PLPP1: variants seen among roughly 807,000 people sequenced by gnomAD.
PLPP1 encodes the protein phospholipid phosphatase 1, also known as lipid phosphate phosphohydrolase 1a.
A neutral mutation model predicts 31.2 loss-of-function variants in PLPP1; 24 were observed. The ratio of observed to expected loss-of-function variants is 0.77; its 90% CI spans 0.56 to 1.08. The LOEUF (loss-of-function observed/expected upper bound fraction) is 1.08. PLPP1 is among the 50% of genes least tolerant of loss of function. The probability of loss-of-function intolerance (pLI) is 0.00; values close to 1 mark genes in which losing one functional copy is unlikely to be tolerated. For missense variants in PLPP1, 319 were observed against 342.7 expected (o/e 0.93, Z 0.55); for synonymous variants, 146 against 126.3 (o/e 1.16, Z -1.05).
intron 1 of PLPP1, among the ~76,000 whole-genome samples, chr5:55,507,660 T>C (rs149953685): frequency 7.2e-4 from 110 of 152,292 alleles, no homozygotes; most frequent in African/African-American, 2.6e-3. Context: ...TGAGGAAACC[T>C]GCCCAAAGCC....
At chr5:55,518,952 T>C (rs1446233866) in intron 1 of PLPP1, among the ~76,000 whole-genome samples, 1 of 152,118 alleles carries the variant, frequency 6.6e-6, no homozygotes, top group Non-Finnish European at 1.5e-5. Context: ...CCAAACCAAC[T>C]GTTTTTACTA....
At chr5:55,526,446 T>C (rs1430151877) in intron 1 of PLPP1, among the ~76,000 whole-genome samples, 1 of 152,110 alleles carries the variant, frequency 6.6e-6, no homozygotes, top group East Asian at 1.9e-4. Flanking sequence ...AAACTACCCA[T>C]TTAAAGAAAG....
At chr5:55,516,170 T>C (rs1280390846) in intron 1 of PLPP1, among the ~76,000 whole-genome samples, 1 of 152,164 alleles carries the variant, frequency 6.6e-6, no homozygotes, top group Non-Finnish European at 1.5e-5. Flanking sequence ...CAGGTATCCT[T>C]TACTTCCCAA....
intron 1 of PLPP1, among the ~76,000 whole-genome samples, chr5:55,528,856 ACT>A (rs1740560791): frequency 6.6e-6 from 1 of 152,026 alleles, no homozygotes; most frequent in East Asian, 1.9e-4. Flanking sequence ...CAGTGAATCC[ACT>A]CTTAGTCCTT....
intron 1 of PLPP1, among the ~76,000 whole-genome samples, chr5:55,491,577 A>C (rs1752887818): frequency 6.6e-6 from 1 of 152,100 alleles, no homozygotes; most frequent in Admixed American, 6.6e-5. Flanking sequence ...AGAAACATGT[A>C]AAAATTTAGG....
chr5:55,432,593 A>AT (rs1751384730), intron 4 of PLPP1, among the ~76,000 whole-genome samples: 1 of 152,278 alleles, frequency 6.6e-6, no homozygotes, highest in African/African-American at 2.4e-5. Context: ...CCATAAGCCA[A>AT]TATCTCTGAT....
chr5:55,452,954 G>C (rs1751924423), intron 3 of PLPP1, among the ~76,000 whole-genome samples: 1 of 152,176 alleles, frequency 6.6e-6, no homozygotes, highest in African/African-American at 2.4e-5. Flanking sequence ...CCCTGATTGA[G>C]ATCACATCTT....
intron 1 of PLPP1, among the ~76,000 whole-genome samples, chr5:55,495,949 CCA>C (rs1377349504): frequency 3.3e-5 from 5 of 152,046 alleles, no homozygotes; most frequent in African/African-American, 4.8e-5. Flanking sequence ...CCTCTGCCTC[CCA>C]GTTTCAAGTG....
intron 3 of PLPP1, among the ~76,000 whole-genome samples, chr5:55,460,391 C>T (rs1458967993): frequency 6.6e-6 from 1 of 152,034 alleles, no homozygotes; most frequent in Non-Finnish European, 1.5e-5. Flanking sequence ...ACCCTTGAAA[C>T]TAACCAAAAG....
chr5:55,436,039 T>A (rs961384502), intron 4 of PLPP1, among the ~76,000 whole-genome samples: 1 of 150,876 alleles, frequency 6.6e-6, no homozygotes, highest in African/African-American at 2.4e-5. Context: ...AAAAAAAACT[T>A]CTTAGCCGGG....
intron 3 of PLPP1, among the ~76,000 whole-genome samples, chr5:55,443,134 GTA>G (rs1365015759): frequency 6.9e-6 from 1 of 144,490 alleles, no homozygotes; most frequent in African/African-American, 2.6e-5. Flanking sequence ...AGTCACGTGT[GTA>G]TGTTTGGCAG....
At chr5:55,471,478 G>A (rs763867818) in intron 2 of PLPP1, among the ~76,000 whole-genome samples, 64 of 152,166 alleles carry the variant, frequency 4.2e-4, no homozygotes, top group Non-Finnish European at 6.8e-4. Flanking sequence ...GGGATTACAG[G>A]TGTGAGCCAC....
chr5:55,469,995 C>A (rs1312610401), intron 2 of PLPP1, among the ~76,000 whole-genome samples: 2 of 152,110 alleles, frequency 1.3e-5, no homozygotes, highest in Non-Finnish European at 2.9e-5. Context: ...ACATGTTAAG[C>A]CCCATAAAAA....
At chr5:55,483,285 G>GA (rs1752707604) in intron 1 of PLPP1, among the ~76,000 whole-genome samples, 1 of 152,096 alleles carries the variant, frequency 6.6e-6, no homozygotes, top group Non-Finnish European at 1.5e-5. Flanking sequence ...ATCAATGCCA[G>GA]AAAAATACAA....
intron 4 of PLPP1, among the ~76,000 whole-genome samples, chr5:55,427,947 A>G (rs1751250597): frequency 1.3e-5 from 2 of 152,048 alleles, no homozygotes; most frequent in South Asian, 4.2e-4. Flanking sequence ...CACCACTCCC[A>G]GGTAATTGTC....
chr5:55,458,652 C>T (rs1752074206), intron 3 of PLPP1, among the ~76,000 whole-genome samples: 1 of 151,998 alleles, frequency 6.6e-6, no homozygotes, highest in South Asian at 2.1e-4. Context: ...TTTAGGGAGG[C>T]CAAGGTGGGT....
chr5:55,475,525 C>T, intron 1 of PLPP1, 75 bp from the exon 2 acceptor site: 1 of 1,309,176 alleles, frequency 7.6e-7, no homozygotes, highest in Non-Finnish European at 1.0e-6. Context: ...AATTATCCCA[C>T]AGACTCTGTC....
intron 3 of PLPP1, among the ~76,000 whole-genome samples, chr5:55,448,565 A>G (rs982294174): frequency 5.4e-5 from 8 of 149,052 alleles, no homozygotes; most frequent in Non-Finnish European, 1.5e-5. Flanking sequence ...CTCCTGCCTC[A>G]GCCTCCCAAG....
At chr5:55,461,929 G>A (rs928548596) in intron 3 of PLPP1, among the ~76,000 whole-genome samples, 22 of 151,548 alleles carry the variant, frequency 1.5e-4, no homozygotes, top group African/African-American at 4.8e-4. Context: ...CAAAACAATT[G>A]GAAATTGATT....
Sources: allele counts gnomAD v4.1 joint callset (sites outside exome capture counted in the v4.1 genomes callset), GRCh38; gene constraint gnomAD v4.1.1; transcripts MANE v1.5; gene names NCBI Gene and HGNC (gene_info 2026-07-23, HGNC 2026-07-21).